Variants in FOXP1 observed in about 807,000 individuals in gnomAD.
FOXP1 encodes forkhead box P1, also known as forkhead box protein P1.
Under a neutral mutation model 98.2 loss-of-function variants are expected in FOXP1, and 15 were observed. The ratio of observed to expected loss-of-function variants is 0.15; its 90% CI spans 0.10 to 0.24. FOXP1 has a LOEUF of 0.24. Among genes scored for constraint, FOXP1 ranks in the 10% least tolerant of loss-of-function variants. The probability of loss-of-function intolerance (pLI) is 1.00; values close to 1 mark genes in which losing one functional copy is unlikely to be tolerated. For synonymous variants in FOXP1, 371 were observed against 314.5 expected (o/e 1.18, Z -1.90); for missense variants, 633 against 848.5 (o/e 0.75, Z 3.15).
chr3:71,294,607 T>C (rs2073096450), intron 5 of FOXP1, among the ~76,000 whole-genome samples: 2 of 152,038 alleles, frequency 1.3e-5, no homozygotes, highest in South Asian at 2.1e-4. Flanking sequence ...TATGTATGTA[T>C]GTACATACAT....
intron 20 of FOXP1, among the ~76,000 whole-genome samples, chr3:70,965,442 A>G (rs2034544491): frequency 6.6e-6 from 1 of 152,212 alleles, no homozygotes; most frequent in African/African-American, 2.4e-5. Context: ...TGCCATCATT[A>G]ATGGTTGGTA....
chr3:71,430,068 T>C (rs1269914463), intron 3 of FOXP1, among the ~76,000 whole-genome samples: 1 of 152,144 alleles, frequency 6.6e-6, no homozygotes. Flanking sequence ...TACGAGAGGT[T>C]TTCTCAAATT....
intron 6 of FOXP1, among the ~76,000 whole-genome samples, chr3:71,155,290 T>C (rs371630868): frequency 1.3e-5 from 2 of 152,224 alleles, no homozygotes; most frequent in African/African-American, 4.8e-5. Context: ...TTTATGCCTT[T>C]AGTATAGTGC....
At position 71,041,508 on chromosome 3, in the gene FOXP1, T is replaced by C; in HGVS notation, c.689A>G (p.Gln230Arg). ...AQGMIPTELQQLWKEVTSAHT... is the reference protein window; with the variant it reads ...AQGMIPTELQRLWKEVTSAHT... ...AGCACTTGTCACTTCTTTCCAGAGCTGCTGCAGTTCTGTTGGAATCATGCC... is the reference window on the plus strand; with the variant it reads ...AGCACTTGTCACTTCTTTCCAGAGCCGCTGCAGTTCTGTTGGAATCATGCC... The change falls in exon 11 of 21, where the codon CAG (glutamine) becomes CGG (arginine). Residue 230 changes from glutamine (Q) to arginine (R), a missense_variant. By Grantham distance (43) the Gln-to-Arg change is conservative. Transcript: ENST00000649528. 7 of 1,613,860 alleles carry C rather than the reference T, an allele frequency of 4.3e-6. No homozygotes were observed. Among genetic ancestry groups the C allele is most frequent in the Non-Finnish European group, 5.9e-6 (7 of 1,179,798 alleles).
intron 13 of FOXP1, among the ~76,000 whole-genome samples, chr3:70,997,870 T>G (rs1468324119): frequency 1.3e-5 from 2 of 152,178 alleles, no homozygotes; most frequent in Non-Finnish European, 2.9e-5. Flanking sequence ...GATGAATGGA[T>G]GTCTGGGTGG....
intron 5 of FOXP1, among the ~76,000 whole-genome samples, chr3:71,283,112 A>C (rs2071737355): frequency 6.6e-6 from 1 of 152,242 alleles, no homozygotes; most frequent in African/African-American, 2.4e-5. Flanking sequence ...TGCTGAGTGC[A>C]GGGAAATCCC....
intron 4 of FOXP1, among the ~76,000 whole-genome samples, chr3:71,349,101 C>A (rs1309689794): frequency 1.3e-5 from 2 of 152,194 alleles, no homozygotes; most frequent in Non-Finnish European, 1.5e-5. Context: ...TGTGCCACTA[C>A]ACTAAATTAT....
At chr3:71,095,609 C>T (rs1358993648) in intron 7 of FOXP1, among the ~76,000 whole-genome samples, 1 of 152,032 alleles carries the variant, frequency 6.6e-6, no homozygotes, top group Non-Finnish European at 1.5e-5. Flanking sequence ...TAGATCAACA[C>T]AGAGTCTACA....
chr3:71,038,184 A>G (rs897157172), intron 11 of FOXP1, among the ~76,000 whole-genome samples: 2 of 152,176 alleles, frequency 1.3e-5, no homozygotes, highest in South Asian at 2.1e-4. Flanking sequence ...CTCAGTTGAG[A>G]TCATTAGCCA....
intron 3 of FOXP1, among the ~76,000 whole-genome samples, chr3:71,469,034 T>A (rs947625138): frequency 2.0e-5 from 3 of 152,150 alleles, no homozygotes; most frequent in Non-Finnish European, 4.4e-5. Flanking sequence ...GGTGTTGCCT[T>A]GTAAATGGCA....
At chr3:71,070,861 A>T (rs1222946931) in intron 7 of FOXP1, among the ~76,000 whole-genome samples, 1 of 152,212 alleles carries the variant, frequency 6.6e-6, no homozygotes, top group Non-Finnish European at 1.5e-5. Context: ...CCTCAAAAGC[A>T]TTCAGGAAGT....
chr3:71,027,257 G>A (rs560415821), intron 11 of FOXP1, among the ~76,000 whole-genome samples: 4 of 152,242 alleles, frequency 2.6e-5, no homozygotes, highest in East Asian at 1.9e-4. Flanking sequence ...AAAAACCAAC[G>A]ACCGTAAACA....
intron 3 of FOXP1, among the ~76,000 whole-genome samples, chr3:71,365,404 A>G (rs2078847460): frequency 6.6e-6 from 1 of 151,616 alleles, no homozygotes; most frequent in South Asian, 2.1e-4. Flanking sequence ...AGCTTACTAG[A>G]ATCCCATGCC....
intron 3 of FOXP1, among the ~76,000 whole-genome samples, chr3:71,418,085 C>T (rs1031816558): frequency 2.6e-5 from 4 of 151,074 alleles, no homozygotes; most frequent in Non-Finnish European, 1.5e-5. Context: ...TATTCCTTGC[C>T]AATTCCACAG....
At chr3:71,162,103 C>CA (rs1220648594) in intron 6 of FOXP1, among the ~76,000 whole-genome samples, 1 of 152,234 alleles carries the variant, frequency 6.6e-6, no homozygotes, top group Admixed American at 6.5e-5. Context: ...TCGAAGTAGA[C>CA]ACCAAGCATA....
intron 4 of FOXP1, among the ~76,000 whole-genome samples, chr3:71,331,660 A>G (rs112898668): frequency 0.013 from 1,912 of 152,322 alleles, 32 homozygotes; most frequent in Middle Eastern, 0.031. Flanking sequence ...TAAATACACC[A>G]ATCAGCACCC....
chr3:71,536,573 C>CTT (rs3039465), intron 2 of FOXP1, among the ~76,000 whole-genome samples: 11 of 134,994 alleles, frequency 8.1e-5, no homozygotes, highest in Non-Finnish European at 1.1e-4. Context: ...AACCATGTCT[C>CTT]TTTTTTTTTT....
chr3:71,000,794 A>AAAAAAT (rs2042023486), intron 13 of FOXP1, among the ~76,000 whole-genome samples, 178 bp downstream of exon 13: 1 of 122,140 alleles, frequency 8.2e-6, no homozygotes, highest in Non-Finnish European at 1.6e-5. Flanking sequence ...CAAAGAGGTA[A>AAAAAAT]AAAATAAAAT....
chr3:71,457,454 C>A (rs975100040), intron 3 of FOXP1, among the ~76,000 whole-genome samples: 6 of 152,134 alleles, frequency 3.9e-5, no homozygotes, highest in Non-Finnish European at 8.8e-5. Context: ...CCTCGGTAAT[C>A]ACAAAAGAGA....
Sources: allele counts gnomAD v4.1 joint callset (sites outside exome capture counted in the v4.1 genomes callset), GRCh38; gene constraint gnomAD v4.1.1; transcripts MANE v1.5; gene names NCBI Gene and HGNC (gene_info 2026-07-23, HGNC 2026-07-21).